The following TAOK3 variants were observed in gnomAD, a reference collection of about 807,000 sequenced individuals.
TAOK3 encodes TAO kinase 3, also known as serine/threonine-protein kinase TAO3.
A neutral mutation model predicts 120.4 loss-of-function variants in TAOK3; 40 were observed. The observed-to-expected ratio is 0.33, with a 90% confidence interval of 0.26 to 0.43. The LOEUF (loss-of-function observed/expected upper bound fraction) is 0.43. Among genes scored for constraint, TAOK3 ranks in the 20% least tolerant of loss-of-function variants. The pLI is 1.00. For missense variants in TAOK3, 821 were observed against 1,112.1 expected, an observed-to-expected ratio of 0.74 and a Z score of 3.72; for synonymous variants, 355 against 387.5, an observed-to-expected ratio of 0.92 and a Z score of 0.99.
chr12:118,277,596 G>A (rs990351809), intron 1 of TAOK3, among the ~76,000 whole-genome samples: 11 of 151,968 alleles, frequency 7.2e-5, no homozygotes, highest in Admixed American at 2.6e-4. Flanking sequence ...GAGTAGCTGG[G>A]AGTACAGGCG....
chr12:118,346,460 A>G (rs1019597342), intron 1 of TAOK3, among the ~76,000 whole-genome samples: 1 of 152,246 alleles, frequency 6.6e-6, no homozygotes, highest in African/African-American at 2.4e-5. Flanking sequence ...ATAAATTTCT[A>G]TTCTATAGAA....
At chr12:118,187,639 T>C (rs2139023007) in intron 14 of TAOK3, among the ~76,000 whole-genome samples, 1 of 152,204 alleles carries the variant, frequency 6.6e-6, no homozygotes, top group East Asian at 1.9e-4. Flanking sequence ...CAAATACCAT[T>C]GAACTCTGGT....
chr12:118,190,087 C>G (rs972238720), intron 13 of TAOK3, 146 bp from the exon 14 acceptor site: 1 of 985,004 alleles, frequency 1.0e-6, no homozygotes, highest in Non-Finnish European at 1.5e-6. Context: ...TCCCACGGTA[C>G]AAAATGAATA....
intron 1 of TAOK3, among the ~76,000 whole-genome samples, chr12:118,358,562 T>A (rs1317298932): frequency 6.6e-6 from 1 of 152,246 alleles, no homozygotes; most frequent in Non-Finnish European, 1.5e-5. Flanking sequence ...TGTATCCATT[T>A]AAGATGACCT....
At chr12:118,237,925 C>A (rs1211725153) in intron 7 of TAOK3, 148 bp downstream of exon 7, 2 of 526,454 alleles carry the variant, frequency 3.8e-6, no homozygotes, top group African/African-American at 3.8e-5. Context: ...ATTCTGGCAA[C>A]TTTATCCTTT....
chr12:118,194,746 C>CT (rs1189406875), intron 13 of TAOK3, among the ~76,000 whole-genome samples: 1 of 150,630 alleles, frequency 6.6e-6, no homozygotes. Context: ...GGTAGAATGG[C>CT]TTTTTTTCCC....
At chr12:118,294,768 C>A (rs948042535) in intron 1 of TAOK3, among the ~76,000 whole-genome samples, 1 of 141,040 alleles carries the variant, frequency 7.1e-6, no homozygotes, top group African/African-American at 2.6e-5. Context: ...GAGATTCACA[C>A]ACATTGTTGT....
At chr12:118,217,813 A>ATATG (rs2038995831) in intron 9 of TAOK3, among the ~76,000 whole-genome samples, 1 of 48,042 alleles carries the variant, frequency 2.1e-5, no homozygotes, top group Non-Finnish European at 3.7e-5. Context: ...GTGTGTGTGT[A>ATATG]TACATATATA....
chr12:118,281,503 G>A (rs979188860), intron 1 of TAOK3, among the ~76,000 whole-genome samples: 9 of 152,280 alleles, frequency 5.9e-5, no homozygotes, highest in South Asian at 4.1e-4. Context: ...ATTAAAAAGC[G>A]TCCAGGTGTG....
chr12:118,230,749 G>A (rs1417816861), intron 9 of TAOK3, among the ~76,000 whole-genome samples: 3 of 152,026 alleles, frequency 2.0e-5, no homozygotes, highest in Admixed American at 1.3e-4. Flanking sequence ...GATTATAGGC[G>A]TGAGCCACCA....
At chr12:118,246,462 T>C in intron 3 of TAOK3, 2 of 1,515,616 alleles carry the variant, frequency 1.3e-6, no homozygotes, top group Non-Finnish European at 1.8e-6. Context: ...GTTCAAGGCG[T>C]TTGTTGCTAT....
intron 7 of TAOK3, 79 bp downstream of exon 7, chr12:118,237,994 G>C (rs2040085128): frequency 2.2e-6 from 2 of 911,642 alleles, no homozygotes; most frequent in East Asian, 5.1e-5. Flanking sequence ...CTAAAAATTG[G>C]AGCATGCACT....
Position 118,172,456 on chromosome 12 carries a change from C to T in TAOK3, c.1899+1G>A. On this transcript the variant is annotated splice_donor_variant, in intron 17 of 20. Transcript: ENST00000392533. LOFTEE classifies it high-confidence loss of function. ...ACAATAGTTACGAGCGTAATAAATA[C>T]CTCCCGAATGTTCTGCTGCTCCACC... is the stretch of plus-strand genomic sequence containing the variant. 6.2e-7 allele frequency: 1 copy of T among 1,614,034 alleles called. No homozygotes were observed. The highest frequency in any genetic ancestry group is 8.5e-7 in the Non-Finnish European group (1 of 1,179,950).
intron 1 of TAOK3, among the ~76,000 whole-genome samples, chr12:118,275,524 GCTCTTAGGATTT>G (rs1247242450): frequency 1.3e-5 from 2 of 152,148 alleles, no homozygotes; most frequent in African/African-American, 4.8e-5. Flanking sequence ...ACAATAATTT[GCTCTTAGGATTT>G]CTCAAACATG....
At chr12:118,365,247 A>G (rs1352215006) in intron 1 of TAOK3, among the ~76,000 whole-genome samples, 1 of 151,700 alleles carries the variant, frequency 6.6e-6, no homozygotes, top group Non-Finnish European at 1.5e-5. Flanking sequence ...TAATTTTTTT[A>G]TTTTTAGACA....
intron 1 of TAOK3, among the ~76,000 whole-genome samples, chr12:118,365,417 G>A (rs1369383338): frequency 6.6e-6 from 1 of 151,510 alleles, no homozygotes; most frequent in African/African-American, 2.4e-5. Flanking sequence ...ATTTTTTGTA[G>A]AGATGGGCGG....
At chr12:118,326,030 C>G (rs143922356) in intron 1 of TAOK3, among the ~76,000 whole-genome samples, 95 of 152,276 alleles carry the variant, frequency 6.2e-4, no homozygotes, top group African/African-American at 2.1e-3. Flanking sequence ...AGCTGTTTAG[C>G]TTGATGTGAT....
At chr12:118,293,706 AAAT>A (rs1461638885) in intron 1 of TAOK3, among the ~76,000 whole-genome samples, 1 of 149,192 alleles carries the variant, frequency 6.7e-6, no homozygotes, top group Non-Finnish European at 1.5e-5. Flanking sequence ...CCACATAAGC[AAAT>A]AATGATACAA....
chr12:118,200,344 G>A (rs2037960529), intron 12 of TAOK3: 1 of 151,444 alleles, frequency 6.6e-6, no homozygotes, highest in African/African-American at 2.4e-5. Flanking sequence ...TCTATCTTCG[G>A]TGCCTCTGAC....
Sources: gnomAD v4.1 joint callset for allele counts (sites outside exome capture counted in the v4.1 genomes callset) on GRCh38, gnomAD v4.1.1 for gene constraint, MANE v1.5 for transcripts, NCBI Gene and HGNC (gene_info 2026-07-23, HGNC 2026-07-21) for gene names.